CPLX1: variants seen among roughly 807,000 people sequenced by gnomAD.
The protein encoded by CPLX1 is complexin 1.
CPLX1 carries 6 observed loss-of-function variants against 15.6 expected under a neutral mutation model. That is an observed-to-expected ratio of 0.39 (90% CI 0.21 to 0.76). CPLX1 has a LOEUF of 0.76. Ranked by LOEUF, CPLX1 falls within the 30% of genes least tolerant of loss-of-function variation. CPLX1 has a pLI of 0.43. For missense variants in CPLX1, 242 were observed against 188.6 expected, an observed-to-expected ratio of 1.28 and a Z score of -1.66; for synonymous variants, 91 against 75.2, an observed-to-expected ratio of 1.21 and a Z score of -1.08.
At chr4:797,136 T>C (rs780444419) in intron 2 of CPLX1, among the ~76,000 whole-genome samples, 4 of 152,200 alleles carry the variant, frequency 2.6e-5, no homozygotes, top group African/African-American at 2.4e-5. Context: ...CAAATAAATG[T>C]AGGCAAAGAA....
chr4:790,021 AGGGCG>A (rs1746121881), intron 3 of CPLX1, among the ~76,000 whole-genome samples: 1 of 80,184 alleles, frequency 1.2e-5, no homozygotes, highest in Non-Finnish European at 2.4e-5. Context: ...GCCACGCCTG[AGGGCG>A]GGGTTCCCCC....
intron 2 of CPLX1, among the ~76,000 whole-genome samples, chr4:815,357 G>T (rs535773762): frequency 3.5e-4 from 51 of 144,362 alleles, no homozygotes; most frequent in African/African-American, 1.3e-3. Context: ...CTTTCAGTGA[G>T]CCGAGATTGT....
chr4:786,814 C>A, intron 3 of CPLX1, 116 bp from the exon 4 acceptor site: 1 of 1,421,372 alleles, frequency 7.0e-7, no homozygotes, highest in Non-Finnish European at 9.2e-7. Context: ...GGCCCCCTAC[C>A]CCACCAGGCA....
intron 2 of CPLX1, chr4:804,870 C>CGACGGCAGCCATTTTGGAACGCA: frequency 1.0e-6 from 1 of 970,242 alleles, no homozygotes; most frequent in South Asian, 4.8e-5. Context: ...GAAAGGTGGG[C>CGACGGCAGCCATTTTGGAACGCA]GGCGGCAGCC....
intron 3 of CPLX1, chr4:787,242 G>T: frequency 1.0e-6 from 1 of 985,366 alleles, no homozygotes; most frequent in Non-Finnish European, 1.2e-6. Context: ...CCGGCAGAGG[G>T]TCCTGGGCTG....
At chr4:818,016 C>T (rs759636113) in intron 2 of CPLX1, among the ~76,000 whole-genome samples, 9 of 152,224 alleles carry the variant, frequency 5.9e-5, no homozygotes, top group East Asian at 1.9e-4. Flanking sequence ...CATCCCTGAG[C>T]GCATTGGGCA....
At position 821,838 on chromosome 4, in the gene CPLX1, G is replaced by GTCTT. The variant is rs1251968397; in HGVS notation, c.31+2653_31+2654insAAGA. Among the ~76,000 whole-genome samples the GTCTT allele has an allele frequency of 1.7e-4, 26 of 152,280 alleles. No homozygotes were observed. The South Asian group carries it at 5.4e-3, about 32-fold the overall frequency. On this transcript the variant is annotated intron_variant, in intron 2 of 3. Transcript: ENST00000304062. ...GACCCAGCGTTGGGTCAGATGAGCAGGCCCTGGGCCACTCACTCCTCAGCA... is the reference window on the plus strand; with the variant it reads ...GACCCAGCGTTGGGTCAGATGAGCAGTCTTGCCCTGGGCCACTCACTCCTCAGCA...
chr4:806,585 C>G (rs113660913), intron 2 of CPLX1, among the ~76,000 whole-genome samples: 8 of 149,550 alleles, frequency 5.3e-5, no homozygotes, highest in Non-Finnish European at 7.3e-5. Flanking sequence ...GCAAAAGAAA[C>G]TATCATCAGA....
rs1176678095 is a variant in CPLX1, at chr4:826,056, C to G, written c.-90G>C. 1.8e-3 allele frequency: 226 copies of G among 129,008 alleles called. 2 individuals are homozygous for G. Among genetic ancestry groups the G allele is most frequent in the African/African-American group, 6.4e-3 (217 of 34,080 alleles). 8.0% of individuals were successfully genotyped at this position (129,008 alleles called of 1,614,324 possible). ...TCGGGGCGCGGTTACCTTCCCGGGG[C>G]GCGGGCGGTCAGCGGCGGGGCGCGC... is the stretch of plus-strand genomic sequence containing the variant. On this transcript the variant is annotated 5_prime_UTR_variant, in exon 1 of 4. Coordinates refer to ENST00000304062, the MANE Select transcript of CPLX1 (RefSeq NM_006651.4).
intron 2 of CPLX1, among the ~76,000 whole-genome samples, chr4:797,660 G>A (rs1014190470): frequency 3.3e-5 from 5 of 151,288 alleles, no homozygotes; most frequent in South Asian, 2.1e-4. Flanking sequence ...TAGGCCGGGC[G>A]CGGTGGCTCA....
Position 816,953 on chromosome 4 carries a change from A to G in CPLX1, c.31+7539T>C, listed in dbSNP as rs546508079. 2.7e-5 allele frequency among the ~76,000 whole-genome samples: 4 copies of G among 150,642 alleles called. No homozygotes were observed. In the East Asian group the frequency reaches 5.8e-4, roughly 22 times the overall value. On this transcript the variant is annotated intron_variant, in intron 2 of 3. Coordinates refer to ENST00000304062, the MANE Select transcript of CPLX1 (RefSeq NM_006651.4). Reference sequence around the variant, plus strand: ...AACTCTGGCAAGTAGAGCTTACATCATGTTTTCAAAGAGCACGCACATTCC... The same window carrying G: ...AACTCTGGCAAGTAGAGCTTACATCGTGTTTTCAAAGAGCACGCACATTCC...
At chr4:799,923 C>G (rs1412885469) in intron 2 of CPLX1, among the ~76,000 whole-genome samples, 2 of 152,176 alleles carry the variant, frequency 1.3e-5, no homozygotes, top group Non-Finnish European at 2.9e-5. Flanking sequence ...TCCCTGAATT[C>G]TGTGAGTTGC....
Position 792,631 on chromosome 4 carries a change from A to G in CPLX1, c.32-23T>C, listed in dbSNP as rs1441941058. On this transcript the variant is annotated intron_variant, in intron 2 of 3. Coordinates refer to ENST00000304062, the MANE Select transcript of CPLX1 (RefSeq NM_006651.4). ...CCCCTGGTACAGAAGTTGGTGATTC[A>G]GACCGCCCCATTCAGATGTCCAGGG... 9 of 1,599,634 alleles carry G rather than the reference A, an allele frequency of 5.6e-6. No individual in the cohort carries two copies. The Admixed American group carries it at 1.5e-4, about 27-fold the overall frequency.
intron 2 of CPLX1, among the ~76,000 whole-genome samples, chr4:808,186 T>C (rs1746593077): frequency 1.3e-5 from 2 of 152,142 alleles, no homozygotes; most frequent in African/African-American, 4.8e-5. Flanking sequence ...AGAGAATTTC[T>C]TGAGTCTGGG....
At chr4:798,110 A>G (rs2152644656) in intron 2 of CPLX1, among the ~76,000 whole-genome samples, 1 of 152,122 alleles carries the variant, frequency 6.6e-6, no homozygotes, top group Admixed American at 6.5e-5. Context: ...CCCCGTTTCT[A>G]CTAAAAATGC....
At position 824,919 on chromosome 4, in the gene CPLX1, A is replaced by G. The variant is rs575980076; in HGVS notation, c.-79-318T>C. On this transcript the variant is annotated intron_variant, in intron 1 of 3. Transcript: ENST00000304062. ...GGGGCGGGGCCCAGGGGGCGTTTGA[A>G]GGTGACTGCTCCGCTCTGCAGCTCA... 1.0e-3 allele frequency: 408 copies of G among 395,636 alleles called. 2 individuals carry two copies. Among genetic ancestry groups the G allele is most frequent in the Non-Finnish European group, 1.6e-3 (332 of 205,678 alleles). The allele number at this position is 395,636 out of a possible 1,614,324, so 24.5% of individuals were successfully genotyped here. A position where few individuals can be genotyped will look rare whatever the true frequency, so the allele number is the denominator to read the frequency against.
chr4:796,105 C>T (rs1323129602), intron 2 of CPLX1, among the ~76,000 whole-genome samples: 2 of 152,138 alleles, frequency 1.3e-5, no homozygotes, highest in Non-Finnish European at 2.9e-5. Context: ...TTCCCTTACA[C>T]GGTAAGTACA....
chr4:803,097 T>A (rs1416617818), intron 2 of CPLX1, among the ~76,000 whole-genome samples: 1 of 152,172 alleles, frequency 6.6e-6, no homozygotes, highest in Non-Finnish European at 1.5e-5. Context: ...TTCATTGCCA[T>A]CTTAAGAAAT....
chr4:786,620 G>T lies in CPLX1; in HGVS notation c.286C>A (p.Arg96=), dbSNP rs778302635. Residue 96 remains arginine (R), a synonymous_variant, in exon 4 of 4, where the codon CGG becomes AGG. Coordinates refer to ENST00000304062, the MANE Select transcript of CPLX1 (RefSeq NM_006651.4). The part of the protein sequence containing the change: ...MEANSEGSLT[R]PKKAIPPGCG... Reference sequence around the variant, plus strand: ...CCCGGCGGGATGGCCTTCTTGGGCCGCGTCAAGCTCCCCTCGGAGTTGGCC... The same window carrying T: ...CCCGGCGGGATGGCCTTCTTGGGCCTCGTCAAGCTCCCCTCGGAGTTGGCC... 1 of 1,612,588 alleles carries T rather than the reference G, an allele frequency of 6.2e-7. No individual in the cohort carries two copies. Among genetic ancestry groups the T allele is most frequent in the East Asian group, 2.2e-5 (1 of 44,808 alleles).
Sources: gnomAD v4.1 joint callset for allele counts (sites outside exome capture counted in the v4.1 genomes callset) on GRCh38, gnomAD v4.1.1 for gene constraint, MANE v1.5 for transcripts, NCBI Gene and HGNC (gene_info 2026-07-23, HGNC 2026-07-21) for gene names.